ARHGAP15: variants seen among roughly 807,000 people sequenced by gnomAD.
ARHGAP15 encodes rho GTPase-activating protein 15.
ARHGAP15 carries 51 observed loss-of-function variants against 63.7 expected under a neutral mutation model. The observed-to-expected ratio is 0.80, with a 90% CI of 0.64 to 1.01. The LOEUF is 1.01. Ranked by LOEUF, ARHGAP15 falls within the 50% of genes least tolerant of loss-of-function variation. ARHGAP15 has a pLI of 0.00. For synonymous variants in ARHGAP15, 191 were observed against 193.8 expected (o/e 0.99, Z 0.12); for missense variants, 560 against 564.6 (o/e 0.99, Z 0.08).
At chr2:143,157,064 A>G (rs1690110204) in intron 2 of ARHGAP15, among the ~76,000 whole-genome samples, 1 of 152,016 alleles carries the variant, frequency 6.6e-6, no homozygotes, top group East Asian at 1.9e-4. Context: ...GACAAGCATG[A>G]AAACATCACA....
chr2:143,672,686 A>C (rs1200613719), intron 12 of ARHGAP15, among the ~76,000 whole-genome samples: 1 of 152,176 alleles, frequency 6.6e-6, no homozygotes, highest in Non-Finnish European at 1.5e-5. Flanking sequence ...TTGCCTTGGA[A>C]CCTTGTCACA....
intron 10 of ARHGAP15, among the ~76,000 whole-genome samples, chr2:143,528,955 A>T (rs1255401894): frequency 2.0e-5 from 3 of 152,110 alleles, no homozygotes. Flanking sequence ...ATTTCATGCT[A>T]CTGGTTTTCT....
intron 13 of ARHGAP15, among the ~76,000 whole-genome samples, chr2:143,716,302 C>T (rs1244702583): frequency 6.6e-6 from 1 of 152,118 alleles, no homozygotes; most frequent in South Asian, 2.1e-4. Flanking sequence ...CTGTGACCAC[C>T]CATCAGTGAT....
intron 12 of ARHGAP15, among the ~76,000 whole-genome samples, chr2:143,695,808 G>A (rs1038833891): frequency 5.9e-5 from 9 of 151,646 alleles, no homozygotes; most frequent in Non-Finnish European, 1.3e-4. Flanking sequence ...GCTGCAGTGA[G>A]CTGAGATCAT....
chr2:143,600,896 A>T (rs1213239308), intron 11 of ARHGAP15, among the ~76,000 whole-genome samples: 1 of 152,228 alleles, frequency 6.6e-6, no homozygotes, highest in African/African-American at 2.4e-5. Context: ...AAATGCAATG[A>T]AAATAACATT....
chr2:143,289,740 A>G (rs1039003965), intron 6 of ARHGAP15, among the ~76,000 whole-genome samples: 1 of 152,204 alleles, frequency 6.6e-6, no homozygotes, highest in Admixed American at 6.5e-5. Flanking sequence ...GGTGTGATGC[A>G]TTATTCTTAT....
chr2:143,630,568 T>A (rs1336857012), intron 12 of ARHGAP15, among the ~76,000 whole-genome samples: 1 of 152,116 alleles, frequency 6.6e-6, no homozygotes, highest in African/African-American at 2.4e-5. Flanking sequence ...TATCTCTACT[T>A]TTGATTTATC....
At chr2:143,439,932 C>A (rs1689802621) in intron 8 of ARHGAP15, among the ~76,000 whole-genome samples, 1 of 152,018 alleles carries the variant, frequency 6.6e-6, no homozygotes, top group African/African-American at 2.4e-5. Flanking sequence ...TGGGTGTTTT[C>A]TTTCAATTTT....
chr2:143,570,198 T>G (rs1043694819), intron 11 of ARHGAP15, among the ~76,000 whole-genome samples: 1 of 152,160 alleles, frequency 6.6e-6, no homozygotes, highest in Non-Finnish European at 1.5e-5. Context: ...ATAACATTTT[T>G]TAAAGGAAAG....
At chr2:143,327,908 C>A (rs868699998) in intron 6 of ARHGAP15, among the ~76,000 whole-genome samples, 13 of 144,718 alleles carry the variant, frequency 9.0e-5, no homozygotes, top group Non-Finnish European at 7.5e-5. Context: ...ATTTACAAGA[C>A]AAAAAAAAAA....
chr2:143,243,731 T>G (rs1693950517), intron 5 of ARHGAP15, among the ~76,000 whole-genome samples: 1 of 152,152 alleles, frequency 6.6e-6, no homozygotes, highest in Non-Finnish European at 1.5e-5. Context: ...CTTATTCCAA[T>G]AAGTAGTTTA....
chr2:143,462,573 G>T (rs995067477), intron 8 of ARHGAP15, among the ~76,000 whole-genome samples: 1 of 152,176 alleles, frequency 6.6e-6, no homozygotes, highest in Non-Finnish European at 1.5e-5. Flanking sequence ...AAATAGATGA[G>T]CGTCCTTCTC....
At chr2:143,583,060 T>C (rs68143744) in intron 11 of ARHGAP15, among the ~76,000 whole-genome samples, 35,441 of 151,990 alleles carry the variant, frequency 0.23, 4,207 homozygotes, top group East Asian at 0.36. Flanking sequence ...GGAAATCATT[T>C]CTCCACTGGT....
At chr2:143,263,711 T>A (rs1210240418) in intron 6 of ARHGAP15, among the ~76,000 whole-genome samples, 1 of 152,144 alleles carries the variant, frequency 6.6e-6, no homozygotes, top group Non-Finnish European at 1.5e-5. Flanking sequence ...TTCTTGTTTC[T>A]AATCTTTCAG....
At chr2:143,636,332 A>G (rs977441208) in intron 12 of ARHGAP15, among the ~76,000 whole-genome samples, 1 of 152,190 alleles carries the variant, frequency 6.6e-6, no homozygotes, top group African/African-American at 2.4e-5. Flanking sequence ...ATTGGCATCT[A>G]AGAAGAAACC....
Position 143,433,730 on chromosome 2 carries a change from ACTT to A in ARHGAP15, c.475-1867_475-1865del, listed in dbSNP as rs1206308588. ...AAATCTAATTATGTTTGTTTCTCGTACTTCTTAAATGTTTCTTTTTATAATTTT... is the reference window on the plus strand; with the variant it reads ...AAATCTAATTATGTTTGTTTCTCGTACTTAAATGTTTCTTTTTATAATTTT... On this transcript the variant is annotated intron_variant, in intron 6 of 13. Coordinates refer to ENST00000295095, the MANE Select transcript of ARHGAP15 (RefSeq NM_018460.4). 4.0e-5 allele frequency among the ~76,000 whole-genome samples: 6 copies of A among 149,248 alleles called. 1 individual carries two copies. In the South Asian group the frequency reaches 6.3e-4, roughly 16 times the overall value.
intron 6 of ARHGAP15, among the ~76,000 whole-genome samples, chr2:143,397,616 C>G (rs1687827593): frequency 6.6e-6 from 1 of 151,912 alleles, no homozygotes; most frequent in Non-Finnish European, 1.5e-5. Flanking sequence ...GCAGTCTTCT[C>G]ATTTTTGCTT....
intron 6 of ARHGAP15, among the ~76,000 whole-genome samples, chr2:143,295,035 A>G (rs978661745): frequency 6.6e-6 from 1 of 152,188 alleles, no homozygotes; most frequent in Admixed American, 6.6e-5. Flanking sequence ...AATTATTTTT[A>G]GTAGCCCCAT....
intron 12 of ARHGAP15, among the ~76,000 whole-genome samples, chr2:143,642,195 G>GT (rs1024042563): frequency 3.9e-5 from 6 of 152,004 alleles, no homozygotes; most frequent in African/African-American, 9.7e-5. Flanking sequence ...GATTATACAG[G>GT]TTTTTTTCTC....
Sources: gnomAD v4.1 joint callset for allele counts (sites outside exome capture counted in the v4.1 genomes callset) on GRCh38, gnomAD v4.1.1 for gene constraint, MANE v1.5 for transcripts, NCBI Gene and HGNC (gene_info 2026-07-23, HGNC 2026-07-21) for gene names.